The following NLGN1 variants were observed in gnomAD, a reference collection of about 807,000 sequenced individuals.
The protein encoded by NLGN1 is neuroligin-1.
NLGN1 carries 12 observed loss-of-function variants against 65.5 expected under a neutral mutation model. The observed-to-expected ratio is 0.18, with a 90% CI of 0.12 to 0.30. The LOEUF (loss-of-function observed/expected upper bound fraction) is 0.30. Among genes scored for constraint, NLGN1 ranks in the 10% least tolerant of loss-of-function variants. NLGN1 has a pLI of 1.00. For missense variants in NLGN1, 750 were observed against 1,007.1 expected (o/e 0.74, Z 3.46); for synonymous variants, 350 against 359.5 (o/e 0.97, Z 0.30).
intron 4 of NLGN1, among the ~76,000 whole-genome samples, chr3:174,035,196 T>C (rs1730871590): frequency 6.6e-6 from 1 of 152,196 alleles, no homozygotes; most frequent in Non-Finnish European, 1.5e-5. Flanking sequence ...ATTTAAAAAT[T>C]AATAAAATGT....
intron 4 of NLGN1, among the ~76,000 whole-genome samples, chr3:174,068,400 G>C (rs886770048): frequency 6.6e-6 from 1 of 152,050 alleles, no homozygotes; most frequent in Non-Finnish European, 1.5e-5. Flanking sequence ...AGAATGCTTA[G>C]GCAGAGGGGG....
rs137997487 is a variant in NLGN1, at chr3:173,527,420, C to T, written c.-320-76859C>T. On this transcript the variant is annotated intron_variant, in intron 2 of 6. Coordinates refer to ENST00000457714, the Ensembl canonical transcript of NLGN1. ...TTTCTTTTTTTCTTTTTTTTTGAGA[C>T]GGAGTCTCGCTCTTTCACCCAGGCT... 6.1e-3 allele frequency among the ~76,000 whole-genome samples: 932 copies of T among 152,010 alleles called. 5 individuals are homozygous for T. The highest frequency in any genetic ancestry group is 0.012 in the South Asian group (60 of 4,814).
intron 4 of NLGN1, among the ~76,000 whole-genome samples, chr3:173,882,878 C>T (rs1451261590): frequency 1.3e-5 from 2 of 151,442 alleles, no homozygotes; most frequent in Admixed American, 1.3e-4. Flanking sequence ...ACATGTCTTT[C>T]TCACTATGTT....
chr3:174,040,852 A>AAAAACAAG (rs1432862258), intron 4 of NLGN1, among the ~76,000 whole-genome samples: 3 of 152,144 alleles, frequency 2.0e-5, no homozygotes, highest in Non-Finnish European at 4.4e-5. Flanking sequence ...GTTTTGCTAC[A>AAAAACAAG]AATTTATTCA....
intron 4 of NLGN1, among the ~76,000 whole-genome samples, chr3:174,062,560 A>G (rs975133229): frequency 2.0e-5 from 3 of 150,752 alleles, no homozygotes; most frequent in African/African-American, 7.3e-5. Context: ...CGTATTCTCT[A>G]AAAAAAAACA....
rs1243129800 is a variant in NLGN1, at chr3:173,793,393, G to A, written c.494-14287G>A. Among the ~76,000 whole-genome samples the A allele has an allele frequency of 3.3e-5, 5 of 152,196 alleles. No homozygotes were observed. In the South Asian group the frequency reaches 8.3e-4, roughly 25 times the overall value. Reference sequence around the variant, plus strand: ...TCTAGATTTAGAGTTTAGAGACAGAGGGGGTTATACCTCTGAAAGCAAGAC... The same window carrying A: ...TCTAGATTTAGAGTTTAGAGACAGAAGGGGTTATACCTCTGAAAGCAAGAC... On this transcript the variant is annotated intron_variant, in intron 3 of 6. Coordinates refer to ENST00000457714, the Ensembl canonical transcript of NLGN1.
intron 3 of NLGN1, among the ~76,000 whole-genome samples, chr3:173,630,102 A>G (rs1755445512): frequency 6.6e-6 from 1 of 152,154 alleles, no homozygotes. Flanking sequence ...GTCTGGGATA[A>G]TGAACAAAAT....
intron 4 of NLGN1, among the ~76,000 whole-genome samples, chr3:174,133,647 T>C (rs991431429): frequency 2.0e-5 from 3 of 152,092 alleles, no homozygotes; most frequent in Non-Finnish European, 4.4e-5. Context: ...TCTAGTTTCC[T>C]TGAAGGTCTT....
At chr3:173,797,611 C>T (rs1349899385) in intron 3 of NLGN1, among the ~76,000 whole-genome samples, 1 of 150,608 alleles carries the variant, frequency 6.6e-6, no homozygotes, top group East Asian at 2.0e-4. Context: ...TATCTCACAT[C>T]AGGTAAGAGA....
At chr3:174,138,830 T>G (rs1025317418) in intron 4 of NLGN1, among the ~76,000 whole-genome samples, 5 of 152,142 alleles carry the variant, frequency 3.3e-5, no homozygotes, top group African/African-American at 9.7e-5. Context: ...TCAATCTTTA[T>G]TTCCTCATTT....
At chr3:174,121,774 C>T (rs1006167451) in intron 4 of NLGN1, among the ~76,000 whole-genome samples, 5 of 152,108 alleles carry the variant, frequency 3.3e-5, no homozygotes, top group African/African-American at 9.7e-5. Flanking sequence ...TATATTAAAG[C>T]GTTCATCATT....
chr3:173,925,570 T>C (rs1742845866), intron 4 of NLGN1, among the ~76,000 whole-genome samples: 1 of 152,172 alleles, frequency 6.6e-6, no homozygotes, highest in Admixed American at 6.6e-5. Context: ...TCTGCTAACC[T>C]GGGAGCTGGA....
chr3:174,075,952 TAAC>T (rs1345811982), intron 4 of NLGN1, among the ~76,000 whole-genome samples: 5 of 152,182 alleles, frequency 3.3e-5, no homozygotes, highest in African/African-American at 1.2e-4. Context: ...ACTGTGGGTG[TAAC>T]AACATCTGAC....
intron 4 of NLGN1, among the ~76,000 whole-genome samples, chr3:174,093,854 C>T (rs1744969801): frequency 6.6e-6 from 1 of 152,150 alleles, no homozygotes; most frequent in South Asian, 2.1e-4. Flanking sequence ...AACATATATG[C>T]ATTCTAAAGT....
chr3:173,701,208 A>G (rs978456711), intron 3 of NLGN1, among the ~76,000 whole-genome samples: 4 of 152,144 alleles, frequency 2.6e-5, no homozygotes, highest in Admixed American at 6.6e-5. Context: ...TGTTCCCCTC[A>G]CCATCCAAAA....
chr3:173,626,482 T>C (rs1239491821), intron 3 of NLGN1, among the ~76,000 whole-genome samples: 2 of 152,124 alleles, frequency 1.3e-5, no homozygotes, highest in East Asian at 3.8e-4. Flanking sequence ...TTAACTACTT[T>C]GAAGTTTTTG....
chr3:173,472,925 G>T (rs1324683838), intron 2 of NLGN1, among the ~76,000 whole-genome samples: 1 of 152,102 alleles, frequency 6.6e-6, no homozygotes. Flanking sequence ...TACGGATCTT[G>T]CATCATGAAT....
intron 4 of NLGN1, among the ~76,000 whole-genome samples, chr3:174,047,284 A>T (rs1299677530): frequency 6.6e-6 from 1 of 152,044 alleles, no homozygotes; most frequent in Non-Finnish European, 1.5e-5. Context: ...GTGAAAAGAC[A>T]AGATTCCACT....
At chr3:173,485,422 A>G (rs1728018622) in intron 2 of NLGN1, among the ~76,000 whole-genome samples, 1 of 152,172 alleles carries the variant, frequency 6.6e-6, no homozygotes, top group Non-Finnish European at 1.5e-5. Context: ...TGTTGTGCTT[A>G]TGTTTACTTT....
Sources: allele counts gnomAD v4.1 joint callset (sites outside exome capture counted in the v4.1 genomes callset), GRCh38; gene constraint gnomAD v4.1.1; transcripts MANE v1.5; gene names NCBI Gene and HGNC (gene_info 2026-07-23, HGNC 2026-07-21).